The following SPATA13 variants were observed in gnomAD, a reference collection of about 807,000 sequenced individuals.
SPATA13 encodes the protein spermatogenesis-associated protein 13.
In SPATA13, 50 loss-of-function variants were observed where a neutral mutation model predicts 104.0. The observed-to-expected ratio is 0.48, with a 90% confidence interval of 0.38 to 0.61. The LOEUF (loss-of-function observed/expected upper bound fraction) is 0.61, where lower values mean the gene tolerates loss of function less well. Ranked by LOEUF, SPATA13 falls within the 20% of genes least tolerant of loss-of-function variation. The pLI, the probability that SPATA13 is intolerant of heterozygous loss-of-function variation, is 0.00. For missense variants in SPATA13, 1,524 were observed against 1,690.6 expected, an observed-to-expected ratio of 0.90 and a Z score of 1.73; for synonymous variants, 606 against 667.5, an observed-to-expected ratio of 0.91 and a Z score of 1.42.
At chr13:24,138,440 T>G (rs755456683) in intron 3 of SPATA13, among the ~76,000 whole-genome samples, 8 of 152,242 alleles carry the variant, frequency 5.3e-5, no homozygotes, top group Non-Finnish European at 1.0e-4. Flanking sequence ...CTATTGAACA[T>G]TGATGTGATG....
chr13:24,086,788 G>T (rs536003720), intron 3 of SPATA13, among the ~76,000 whole-genome samples: 1 of 152,156 alleles, frequency 6.6e-6, no homozygotes, highest in Non-Finnish European at 1.5e-5. Context: ...AGGAGGGAGA[G>T]GGGTGGGAGC....
At chr13:24,020,659 A>C (rs1348751810) in intron 3 of SPATA13, among the ~76,000 whole-genome samples, 1 of 152,246 alleles carries the variant, frequency 6.6e-6, no homozygotes, top group Admixed American at 6.5e-5. Context: ...GAAGTTATGC[A>C]GTTAATTAAG....
intron 3 of SPATA13, among the ~76,000 whole-genome samples, chr13:24,025,867 T>C (rs1303123364): frequency 6.6e-6 from 1 of 151,118 alleles, no homozygotes; most frequent in Non-Finnish European, 1.5e-5. Flanking sequence ...TGGAGTGCAA[T>C]GGCGCGATCT....
intron 3 of SPATA13, among the ~76,000 whole-genome samples, chr13:24,135,550 T>G (rs1211708577): frequency 6.6e-6 from 1 of 151,878 alleles, no homozygotes; most frequent in Non-Finnish European, 1.5e-5. Context: ...TACAAAAAAT[T>G]AGCCGGGCAT....
chr13:24,162,261 C>T (rs186151055), intron 1 of SPATA13, among the ~76,000 whole-genome samples: 2 of 152,334 alleles, frequency 1.3e-5, no homozygotes, highest in East Asian at 3.9e-4. Context: ...TCCTTGTTTC[C>T]CCATGTTTCT....
rs117487931 is a variant in SPATA13 at position 24,049,283 on chromosome 13, T to C, written c.-112+31582T>C. Among the ~76,000 whole-genome samples the C allele has an allele frequency of 4.9e-4, 75 of 152,344 alleles. No individual in the cohort carries two copies. The East Asian group carries it at 0.014, about 28-fold the overall frequency. ...CCCCATGACATTATAATACCACATT[T>C]CTATGCCTTTTCTACATTTGGGTGT... On this transcript the variant is annotated intron_variant, in intron 3 of 14. Coordinates refer to the SPATA13 transcript ENST00000424834.
chr13:24,048,541 G>A (rs1952099), intron 3 of SPATA13, among the ~76,000 whole-genome samples: 147,165 of 152,178 alleles, frequency 0.97, 71,360 homozygotes, highest in East Asian at 1. Context: ...CTACAAATAT[G>A]GAATATATAA....
intron 3 of SPATA13, chr13:24,123,565 T>C (rs1336947694): frequency 1.2e-6 from 2 of 1,610,650 alleles, no homozygotes; most frequent in African/African-American, 1.3e-5. Flanking sequence ...CAAAATCCTA[T>C]AGTCTTTTGC....
intron 1 of SPATA13, among the ~76,000 whole-genome samples, chr13:24,210,705 C>A (rs982934047): frequency 4.0e-5 from 5 of 124,906 alleles, no homozygotes; most frequent in African/African-American, 1.5e-4. Flanking sequence ...CAGCTTTATT[C>A]TTTTTTTTCA....
intron 3 of SPATA13, among the ~76,000 whole-genome samples, chr13:24,096,235 A>G (rs761792543): frequency 6.6e-6 from 1 of 152,356 alleles, no homozygotes; most frequent in Non-Finnish European, 1.5e-5. Flanking sequence ...TCGGGAGGAT[A>G]TCAACATTAA....
intron 1 of SPATA13, among the ~76,000 whole-genome samples, chr13:24,178,085 T>C (rs1208060553): frequency 6.7e-6 from 1 of 150,304 alleles, no homozygotes; most frequent in Non-Finnish European, 1.5e-5. Context: ...AACTCCTAGA[T>C]TCCAATGATC....
rs151041713 is a variant in SPATA13, at chr13:24,022,797, T to A, written c.-112+5096T>A. Among the ~76,000 whole-genome samples the A allele has an allele frequency of 1.1e-3, 169 of 152,256 alleles. 1 individual carries two copies. The highest frequency in any genetic ancestry group is 3.4e-3 in the African/African-American group (142 of 41,540). ...GACTACTTCTGCAGGAACATAAGTTTTCCTGGAATTAGACTCAAGCAAAAT... is the reference window on the plus strand; with the variant it reads ...GACTACTTCTGCAGGAACATAAGTTATCCTGGAATTAGACTCAAGCAAAAT... On this transcript the variant is annotated intron_variant, in intron 3 of 14. Coordinates refer to the SPATA13 transcript ENST00000424834.
chr13:24,105,532 A>C (rs1328670850), intron 3 of SPATA13, among the ~76,000 whole-genome samples: 3 of 151,956 alleles, frequency 2.0e-5, no homozygotes, highest in Non-Finnish European at 2.9e-5. Flanking sequence ...AGAGCCTGAT[A>C]AATAAACTTG....
intron 3 of SPATA13, among the ~76,000 whole-genome samples, chr13:24,039,242 C>T (rs770911914): frequency 5.9e-5 from 9 of 152,212 alleles, no homozygotes; most frequent in Non-Finnish European, 1.0e-4. Context: ...TCTGCCTTTG[C>T]GCCTGGCTGT....
intron 2 of SPATA13, among the ~76,000 whole-genome samples, chr13:24,240,031 G>GT (rs2138642620): frequency 6.6e-6 from 1 of 151,906 alleles, no homozygotes; most frequent in East Asian, 1.9e-4. Context: ...ACGACCGGGT[G>GT]TGGTGGCTCA....
chr13:24,089,112 C>A (rs2137788572), intron 3 of SPATA13, among the ~76,000 whole-genome samples: 1 of 152,308 alleles, frequency 6.6e-6, no homozygotes, highest in East Asian at 1.9e-4. Flanking sequence ...GGGACACAAC[C>A]TTTTAACTAA....
chr13:24,060,366 T>G (rs1878729784), intron 3 of SPATA13, among the ~76,000 whole-genome samples: 1 of 152,202 alleles, frequency 6.6e-6, no homozygotes. Flanking sequence ...GGTACTGGGA[T>G]AACTAGCTAA....
chr13:23,996,949 G>A lies in SPATA13; in HGVS notation c.-147+13016G>A, dbSNP rs1327245449. Among the ~76,000 whole-genome samples, 4 of 152,264 alleles carry A rather than the reference G, an allele frequency of 2.6e-5. No homozygotes were observed. In the South Asian group the frequency reaches 8.3e-4, roughly 32 times the overall value. Reference sequence around the variant, plus strand: ...TCAGATCATCTTGGAGGCAGGGGCTGCTTTTCCCAACTTATAAGCAGGAGA... The same window carrying A: ...TCAGATCATCTTGGAGGCAGGGGCTACTTTTCCCAACTTATAAGCAGGAGA... On this transcript the variant is annotated intron_variant, in intron 2 of 14. Coordinates refer to the SPATA13 transcript ENST00000424834.
At chr13:24,295,296 T>C (rs752169959) in intron 10 of SPATA13, among the ~76,000 whole-genome samples, 1 of 152,108 alleles carries the variant, frequency 6.6e-6, no homozygotes, top group Non-Finnish European at 1.5e-5. Flanking sequence ...ACCTACCTCA[T>C]AGGCTACCGT....
Sources: allele counts gnomAD v4.1 joint callset (sites outside exome capture counted in the v4.1 genomes callset), GRCh38; gene constraint gnomAD v4.1.1; transcripts MANE v1.5; gene names NCBI Gene and HGNC (gene_info 2026-07-23, HGNC 2026-07-21).